Variants in KCNN3 observed in about 807,000 individuals in gnomAD.
KCNN3 encodes small conductance calcium-activated potassium channel protein 3.
In KCNN3, 16 loss-of-function variants were observed where a neutral mutation model predicts 62.9. The ratio of observed to expected loss-of-function variants is 0.25; its 90% confidence interval spans 0.17 to 0.39. KCNN3 has a LOEUF of 0.39. Among genes scored for constraint, KCNN3 ranks in the 10% least tolerant of loss-of-function variants. The probability of loss-of-function intolerance (pLI) is 1.00; values close to 1 mark genes in which losing one functional copy is unlikely to be tolerated. For missense variants in KCNN3, 599 were observed against 949.4 expected, an observed-to-expected ratio of 0.63 and a Z score of 4.85; for synonymous variants, 370 against 389.2, an observed-to-expected ratio of 0.95 and a Z score of 0.58.
At chr1:154,816,456 A>C (rs1650670593) in intron 2 of KCNN3, among the ~76,000 whole-genome samples, 1 of 152,248 alleles carries the variant, frequency 6.6e-6, no homozygotes, top group South Asian at 2.1e-4. Flanking sequence ...TTCAATAAAC[A>C]TTCACTGACT....
At chr1:154,758,141 T>C (rs79817970) in intron 3 of KCNN3, among the ~76,000 whole-genome samples, 1 of 152,170 alleles carries the variant, frequency 6.6e-6, no homozygotes, top group Non-Finnish European at 1.5e-5. Context: ...GGAAGAGATT[T>C]CTAAGTCAGA....
Position 154,772,081 on chromosome 1 carries a change from G to C in KCNN3, c.1342C>G (p.Arg448Gly). 1.2e-6 allele frequency: 2 copies of C among 1,614,202 alleles called. No individual in the cohort carries two copies. Among genetic ancestry groups the C allele is most frequent in the Non-Finnish European group, 1.7e-6 (2 of 1,180,036 alleles). The change falls in exon 3 of 8, where the codon CGC becomes GGC. Residue 448 changes from arginine to glycine, a missense_variant. Physicochemically the swap from Arg to Gly is moderately radical, Grantham distance 125. Coordinates refer to ENST00000271915, the MANE Select transcript of KCNN3 (RefSeq NM_002249.6). The surrounding 1 kb of genome is among the most constrained non-coding windows in gnomAD (Gnocchi z 5.6). ...GALNKINFNT[R>G]FVMKTLMTIC... ...GTCATGAGCGTCTTCATGACAAAGCGGGTGTTGAAGTTGATCTTGTTGAGG... is the reference window on the plus strand; with the variant it reads ...GTCATGAGCGTCTTCATGACAAAGCCGGTGTTGAAGTTGATCTTGTTGAGG...
intron 2 of KCNN3, among the ~76,000 whole-genome samples, chr1:154,808,023 C>T (rs369808858): frequency 6.6e-6 from 1 of 152,140 alleles, no homozygotes; most frequent in South Asian, 2.1e-4. Context: ...AATCTACACC[C>T]GTCTCCCATC....
At position 154,698,739 on chromosome 1, in the gene KCNN3, T is replaced by TCTAAGACACAGGTTCCCACCTG. The variant is rs1699791708; in HGVS notation, c.*9215_*9236dup. ...AGAGTTCACTGGGACTCCTCTGCCTTCTAAGACACAGGTTCCCACCTGCTT... is the reference window on the plus strand; with the variant it reads ...AGAGTTCACTGGGACTCCTCTGCCTTCTAAGACACAGGTTCCCACCTGCTAAGACACAGGTTCCCACCTGCTT... On this transcript the variant is annotated 3_prime_UTR_variant, in exon 8 of 8. Transcript: ENST00000271915. The TCTAAGACACAGGTTCCCACCTG allele has an allele frequency of 6.6e-6, 1 of 152,196 alleles. No individual in the cohort carries two copies. Among genetic ancestry groups the TCTAAGACACAGGTTCCCACCTG allele is most frequent in the Non-Finnish European group, 1.5e-5 (1 of 68,044 alleles). 9.4% of individuals were successfully genotyped at this position (152,196 alleles called of 1,614,324 possible).
chr1:154,788,538 T>C (rs889284935), intron 2 of KCNN3, among the ~76,000 whole-genome samples: 3 of 152,132 alleles, frequency 2.0e-5, no homozygotes, highest in African/African-American at 7.2e-5. Context: ...AGGCATTCAG[T>C]GTAACAGACA....
chr1:154,774,677 C>G (rs1445189228), intron 2 of KCNN3, among the ~76,000 whole-genome samples: 5 of 152,252 alleles, frequency 3.3e-5, no homozygotes, highest in African/African-American at 1.2e-4. Flanking sequence ...TCCACGAACA[C>G]ATCCCACTCA....
At chr1:154,785,006 T>C (rs1199498282) in intron 2 of KCNN3, among the ~76,000 whole-genome samples, 1 of 152,246 alleles carries the variant, frequency 6.6e-6, no homozygotes, top group African/African-American at 2.4e-5. Flanking sequence ...CCCCAGTGTT[T>C]GCCTATCCCA....
chr1:154,797,731 C>T (rs1649790553), intron 2 of KCNN3, among the ~76,000 whole-genome samples: 1 of 152,156 alleles, frequency 6.6e-6, no homozygotes, highest in African/African-American at 2.4e-5. Flanking sequence ...GAATGAGAAA[C>T]ACAAAGCTTG....
At chr1:154,722,785 G>A (rs969792061) in intron 5 of KCNN3, among the ~76,000 whole-genome samples, 2 of 150,722 alleles carry the variant, frequency 1.3e-5, no homozygotes, top group African/African-American at 4.9e-5. Flanking sequence ...AGGCTGGAGT[G>A]CAGTGGTGGG....
chr1:154,753,564 C>T (rs139741347), intron 3 of KCNN3, among the ~76,000 whole-genome samples: 8 of 152,356 alleles, frequency 5.3e-5, no homozygotes, highest in African/African-American at 1.9e-4. Context: ...CTGCCACAGG[C>T]GATCGGGGTC....
intron 3 of KCNN3, among the ~76,000 whole-genome samples, chr1:154,758,668 C>T (rs929903807): frequency 3.9e-5 from 6 of 152,128 alleles, no homozygotes; most frequent in African/African-American, 7.2e-5. Context: ...CCGAATGGAA[C>T]GAGGTGGGGT....
At chr1:154,798,744 C>T (rs1041193295) in intron 2 of KCNN3, among the ~76,000 whole-genome samples, 6 of 152,136 alleles carry the variant, frequency 3.9e-5, no homozygotes, top group Non-Finnish European at 8.8e-5. Flanking sequence ...ATTAGGGGCA[C>T]GAGACTTACA....
At chr1:154,856,593 G>A (rs1166012866) in intron 1 of KCNN3, among the ~76,000 whole-genome samples, 1 of 152,148 alleles carries the variant, frequency 6.6e-6, no homozygotes, top group African/African-American at 2.4e-5. Context: ...CTCCTCACCT[G>A]CAACTCAGCT....
chr1:154,727,048 T>C (rs958863105), intron 4 of KCNN3, among the ~76,000 whole-genome samples: 11 of 152,220 alleles, frequency 7.2e-5, no homozygotes, highest in Non-Finnish European at 1.2e-4. Context: ...CTTGTGAGCA[T>C]AGGGGGAATT....
At position 154,707,777 on chromosome 1, in the gene KCNN3, G is replaced by A; in HGVS notation, c.*199C>T. 3.3e-6 allele frequency: 2 copies of A among 602,398 alleles called. No individual in the cohort carries two copies. Among genetic ancestry groups the A allele is most frequent in the Non-Finnish European group, 5.6e-6 (2 of 355,878 alleles). The allele number at this position is 602,398 out of a possible 1,614,324, so 37.3% of individuals were successfully genotyped here. ...CTCCTCTTCCCGCTCCCAAGTAGAG[G>A]CACCTAAACAGAGATTAGATTTCTG... is the stretch of plus-strand genomic sequence containing the variant. On this transcript the variant is annotated 3_prime_UTR_variant, in exon 8 of 8. Transcript: ENST00000271915.
intron 1 of KCNN3, among the ~76,000 whole-genome samples, chr1:154,840,602 A>G (rs1255587099): frequency 1.3e-5 from 2 of 152,234 alleles, no homozygotes; most frequent in African/African-American, 4.8e-5. Flanking sequence ...AAGAGTCCTC[A>G]TATCGGGACA....
At chr1:154,859,219 A>G (rs1239727616) in intron 1 of KCNN3, among the ~76,000 whole-genome samples, 1 of 152,270 alleles carries the variant, frequency 6.6e-6, no homozygotes, top group Non-Finnish European at 1.5e-5. Context: ...TGGAAGCCAG[A>G]AAAGAAAGAA....
Position 154,783,252 on chromosome 1 carries a change from G to A in KCNN3, c.1030-10859C>T, listed in dbSNP as rs139318733. ...AAAAAAGAAAAGAAAGAAAACTCAAGCCCACCCTTTAAATGCTCATTCTCA... is the reference window on the plus strand; with the variant it reads ...AAAAAAGAAAAGAAAGAAAACTCAAACCCACCCTTTAAATGCTCATTCTCA... On this transcript the variant is annotated intron_variant, in intron 2 of 7. Transcript: ENST00000271915. Among the ~76,000 whole-genome samples the A allele has an allele frequency of 3.4e-3, 520 of 151,678 alleles. 1 individual carries two copies. The highest frequency in any genetic ancestry group is 0.031 in the Middle Eastern group (9 of 290).
intron 5 of KCNN3, among the ~76,000 whole-genome samples, chr1:154,715,963 T>C (rs1700226818): frequency 6.6e-6 from 1 of 152,230 alleles, no homozygotes; most frequent in Non-Finnish European, 1.5e-5. Context: ...TGCACTGCAA[T>C]TGTACATGTA....
Sources: gnomAD v4.1 joint callset for allele counts (sites outside exome capture counted in the v4.1 genomes callset) on GRCh38, gnomAD v4.1.1 for gene constraint, Gnocchi (gnomAD v3.1) non-coding constraint, MANE v1.5 for transcripts, NCBI Gene and HGNC (gene_info 2026-07-23, HGNC 2026-07-21) for gene names.